Variants in IMMP2L observed in about 807,000 individuals in gnomAD.
The protein encoded by IMMP2L is inner mitochondrial membrane peptidase subunit 2, also known as mitochondrial inner membrane protease subunit 2.
Under a neutral mutation model 19.3 loss-of-function variants are expected in IMMP2L, and 18 were observed. The ratio of observed to expected loss-of-function variants is 0.93; its 90% CI spans 0.64 to 1.38. The LOEUF (loss-of-function observed/expected upper bound fraction) is 1.38. IMMP2L is among the 40% of genes most tolerant of loss of function. The pLI is 0.00. For missense variants in IMMP2L, 233 were observed against 218.2 expected, an observed-to-expected ratio of 1.07 and a Z score of -0.43; for synonymous variants, 76 against 73.0, an observed-to-expected ratio of 1.04 and a Z score of -0.21.
intron 3 of IMMP2L, among the ~76,000 whole-genome samples, chr7:111,215,854 T>C (rs375100411): frequency 5.9e-5 from 9 of 152,166 alleles, no homozygotes; most frequent in African/African-American, 1.7e-4. Flanking sequence ...AATGTGCTCA[T>C]CAACTTGTCA....
chr7:111,199,959 T>C (rs1449081359), intron 3 of IMMP2L, among the ~76,000 whole-genome samples: 1 of 152,132 alleles, frequency 6.6e-6, no homozygotes, highest in Non-Finnish European at 1.5e-5. Flanking sequence ...TTTTATAGGC[T>C]CTTTGAAGGA....
chr7:111,551,060 TGAC>T (rs1332188297), intron 1 of IMMP2L, among the ~76,000 whole-genome samples: 2 of 152,182 alleles, frequency 1.3e-5, no homozygotes, highest in Non-Finnish European at 2.9e-5. Context: ...CAAAACATGA[TGAC>T]ATTACAAACA....
intron 5 of IMMP2L, among the ~76,000 whole-genome samples, chr7:110,871,049 G>A (rs1203228715): frequency 6.6e-6 from 1 of 152,038 alleles, no homozygotes. Context: ...GACGTTGGTG[G>A]AAGAGTAAAA....
intron 1 of IMMP2L, among the ~76,000 whole-genome samples, chr7:111,532,152 G>A (rs1464076761): frequency 1.3e-5 from 2 of 152,098 alleles, no homozygotes; most frequent in East Asian, 3.9e-4. Context: ...GCAATAACAT[G>A]AGTAATGGAA....
At chr7:111,279,804 TA>T (rs1819502089) in intron 3 of IMMP2L, among the ~76,000 whole-genome samples, 1 of 152,074 alleles carries the variant, frequency 6.6e-6, no homozygotes, top group African/African-American at 2.4e-5. Context: ...GACTTCAAAA[TA>T]CAAAGGATTT....
intron 3 of IMMP2L, among the ~76,000 whole-genome samples, chr7:111,358,276 G>A (rs1037775817): frequency 6.6e-6 from 1 of 151,048 alleles, no homozygotes; most frequent in African/African-American, 2.4e-5. Context: ...TCAATGACCA[G>A]GATATAACCA....
chr7:110,811,327 C>A (rs7778910), intron 5 of IMMP2L, among the ~76,000 whole-genome samples: 93,412 of 151,984 alleles, frequency 0.61, 30,617 homozygotes, highest in African/African-American at 0.86. Flanking sequence ...CTTAGTGACT[C>A]ATAAAGAAGA....
At chr7:111,312,753 G>T (rs551274656) in intron 3 of IMMP2L, among the ~76,000 whole-genome samples, 2 of 152,086 alleles carry the variant, frequency 1.3e-5, no homozygotes, top group Non-Finnish European at 2.9e-5. Flanking sequence ...CACTGGCAAT[G>T]ATATACTATT....
At chr7:111,220,706 A>G (rs1812420329) in intron 3 of IMMP2L, among the ~76,000 whole-genome samples, 1 of 151,966 alleles carries the variant, frequency 6.6e-6, no homozygotes, top group African/African-American at 2.4e-5. Context: ...GGCTCAAGTG[A>G]TCATGGAAGT....
chr7:110,675,546 A>T (rs569975698), intron 5 of IMMP2L, among the ~76,000 whole-genome samples: 5 of 152,308 alleles, frequency 3.3e-5, no homozygotes, highest in Non-Finnish European at 7.4e-5. Context: ...TGAAAACATT[A>T]CTATTGGGTT....
intron 3 of IMMP2L, among the ~76,000 whole-genome samples, chr7:111,301,841 G>A (rs775664667): frequency 2.3e-5 from 3 of 133,006 alleles, no homozygotes; most frequent in Non-Finnish European, 3.1e-5. Flanking sequence ...ATAACACATT[G>A]TCTTGAATAC....
chr7:110,664,709 G>C (rs1389682906), intron 5 of IMMP2L: 1 of 152,136 alleles, frequency 6.6e-6, no homozygotes, highest in East Asian at 1.9e-4. Flanking sequence ...TGTTGTTATA[G>C]TTACTATCAG....
At chr7:110,687,589 C>T (rs1793205281) in intron 5 of IMMP2L, among the ~76,000 whole-genome samples, 1 of 151,976 alleles carries the variant, frequency 6.6e-6, no homozygotes, top group Non-Finnish European at 1.5e-5. Flanking sequence ...TTAATTTTGG[C>T]ATTACATATA....
At chr7:111,404,527 A>T (rs1233466815) in intron 3 of IMMP2L, among the ~76,000 whole-genome samples, 3 of 152,136 alleles carry the variant, frequency 2.0e-5, no homozygotes, top group Non-Finnish European at 4.4e-5. Flanking sequence ...TTTTCCATTT[A>T]GAAATAAGTA....
intron 3 of IMMP2L, among the ~76,000 whole-genome samples, chr7:110,969,565 C>A (rs1238782547): frequency 6.6e-6 from 1 of 151,850 alleles, no homozygotes; most frequent in Non-Finnish European, 1.5e-5. Context: ...GGCAAGAACC[C>A]ATGTTAATGT....
chr7:110,978,506 G>C (rs748472177), intron 3 of IMMP2L, among the ~76,000 whole-genome samples: 11 of 151,394 alleles, frequency 7.3e-5, no homozygotes, highest in Non-Finnish European at 1.2e-4. Context: ...TTTGCAATGT[G>C]GTTTCACTTA....
At chr7:110,969,509 C>T (rs1469169987) in intron 3 of IMMP2L, among the ~76,000 whole-genome samples, 1 of 151,882 alleles carries the variant, frequency 6.6e-6, no homozygotes, top group African/African-American at 2.4e-5. Context: ...CGAGAATGCT[C>T]CCAACCAAGA....
At chr7:111,072,162 G>A (rs139133395) in intron 3 of IMMP2L, among the ~76,000 whole-genome samples, 4 of 152,182 alleles carry the variant, frequency 2.6e-5, no homozygotes, top group Admixed American at 6.5e-5. Context: ...TCCTTACAAC[G>A]GAATGGAATT....
intron 1 of IMMP2L, among the ~76,000 whole-genome samples, chr7:111,559,629 A>G (rs1791781747): frequency 6.6e-6 from 1 of 152,190 alleles, no homozygotes; most frequent in Non-Finnish European, 1.5e-5. Context: ...CTTAACAGCT[A>G]TAGGAAAGTT....
Sources: allele counts gnomAD v4.1 joint callset (sites outside exome capture counted in the v4.1 genomes callset), GRCh38; gene constraint gnomAD v4.1.1; transcripts MANE v1.5; gene names NCBI Gene and HGNC (gene_info 2026-07-23, HGNC 2026-07-21).